The following SFT2D1 variants were observed in gnomAD, a reference collection of about 807,000 sequenced individuals.
SFT2D1 encodes SFT2 domain containing 1, also known as vesicle transport protein SFT2A.
Under a neutral mutation model 28.1 loss-of-function variants are expected in SFT2D1, and 24 were observed. The ratio of observed to expected loss-of-function variants is 0.85; its 90% CI spans 0.62 to 1.20. SFT2D1 has a LOEUF of 1.20. SFT2D1 is among the 50% of genes most tolerant of loss of function. The probability of loss-of-function intolerance (pLI) is 0.00; values close to 1 mark genes in which losing one functional copy is unlikely to be tolerated. For missense variants in SFT2D1, 181 were observed against 190.9 expected, an observed-to-expected ratio of 0.95 and a Z score of 0.31; for synonymous variants, 82 against 73.7, an observed-to-expected ratio of 1.11 and a Z score of -0.58.
At chr6:166,332,484 G>A (rs1487928414) in intron 1 of SFT2D1, among the ~76,000 whole-genome samples, 4 of 152,110 alleles carry the variant, frequency 2.6e-5, no homozygotes, top group African/African-American at 9.7e-5. Context: ...TCAAACTCCT[G>A]ACCTCAAGTG....
At chr6:166,337,898 TG>T (rs1472006464) in intron 1 of SFT2D1, among the ~76,000 whole-genome samples, 3 of 152,162 alleles carry the variant, frequency 2.0e-5, no homozygotes, top group Non-Finnish European at 2.9e-5. Flanking sequence ...GATCAGGTCA[TG>T]GGGATGGAGT....
At chr6:166,331,062 G>A (rs1464771996) in intron 1 of SFT2D1, among the ~76,000 whole-genome samples, 1 of 152,032 alleles carries the variant, frequency 6.6e-6, no homozygotes, top group Non-Finnish European at 1.5e-5. Flanking sequence ...AATTATGTGG[G>A]GAAAAAAGTA....
chr6:166,321,034 T>G (rs1333349403), intron 7 of SFT2D1, among the ~76,000 whole-genome samples: 2 of 152,100 alleles, frequency 1.3e-5, no homozygotes, highest in East Asian at 3.9e-4. Context: ...ACTCTTGAAC[T>G]TGGGAGGTGG....
chr6:166,320,673 ACTAAT>A (rs1167937746), intron 7 of SFT2D1, among the ~76,000 whole-genome samples: 15 of 128,146 alleles, frequency 1.2e-4, no homozygotes, highest in African/African-American at 4.2e-4. Context: ...ACACCACTAC[ACTAAT>A]TTTTTTTTTT....
intron 1 of SFT2D1, among the ~76,000 whole-genome samples, chr6:166,333,261 T>A (rs926713664): frequency 6.6e-6 from 1 of 152,188 alleles, no homozygotes; most frequent in Non-Finnish European, 1.5e-5. Context: ...TCAGGACTCT[T>A]GATCGCGGGG....
chr6:166,329,935 A>T (rs1385642545), intron 2 of SFT2D1, among the ~76,000 whole-genome samples: 6 of 152,204 alleles, frequency 3.9e-5, no homozygotes, highest in Non-Finnish European at 8.8e-5. Context: ...CTTTTAACAC[A>T]TTGATACATT....
intron 1 of SFT2D1, among the ~76,000 whole-genome samples, chr6:166,333,824 C>T (rs530696637): frequency 4.6e-5 from 7 of 152,212 alleles, no homozygotes; most frequent in Non-Finnish European, 8.8e-5. Context: ...CACTTCCATT[C>T]TTAGCAGACA....
At chr6:166,331,226 A>G (rs986644436) in intron 1 of SFT2D1, among the ~76,000 whole-genome samples, 1 of 152,246 alleles carries the variant, frequency 6.6e-6, no homozygotes, top group African/African-American at 2.4e-5. Context: ...GAAACTAGAA[A>G]TATACAGCAA....
chr6:166,328,254 TA>T (rs1778487500), intron 4 of SFT2D1, 21 bp downstream of exon 4: 2 of 1,514,854 alleles, frequency 1.3e-6, no homozygotes, highest in African/African-American at 2.8e-5. Context: ...ATAAAAGTTT[TA>T]AAAATGTATT....
intron 7 of SFT2D1, among the ~76,000 whole-genome samples, chr6:166,320,821 G>A (rs1289567972): frequency 6.6e-6 from 1 of 152,062 alleles, no homozygotes; most frequent in Non-Finnish European, 1.5e-5. Context: ...CCAGCCCAAA[G>A]ATTTAATTTT....
intron 7 of SFT2D1, 30 bp from the exon 8 acceptor site, chr6:166,320,286 A>G (rs762645673): frequency 3.8e-6 from 6 of 1,592,602 alleles, no homozygotes; most frequent in Non-Finnish European, 5.1e-6. Flanking sequence ...AAAAAACAGA[A>G]TATAATATTC....
At chr6:166,333,442 T>C (rs1237152527) in intron 1 of SFT2D1, among the ~76,000 whole-genome samples, 1 of 152,204 alleles carries the variant, frequency 6.6e-6, no homozygotes, top group Non-Finnish European at 1.5e-5. Context: ...AAATTCCGGC[T>C]GCCGCTCTCC....
intron 1 of SFT2D1, among the ~76,000 whole-genome samples, chr6:166,341,406 G>A (rs376587317): frequency 4.1e-5 from 6 of 147,644 alleles, no homozygotes; most frequent in African/African-American, 1.5e-4. Flanking sequence ...TCGAGATCAC[G>A]CCACTGCACT....
intron 1 of SFT2D1, chr6:166,331,491 T>C (rs1032040186): frequency 3.9e-5 from 6 of 152,686 alleles, no homozygotes; most frequent in Non-Finnish European, 8.8e-5. Context: ...TTTAAATGTT[T>C]TTTAAGTTTT....
chr6:166,325,948 C>G (rs973920210), intron 5 of SFT2D1, 184 bp downstream of exon 5: 3 of 643,872 alleles, frequency 4.7e-6, no homozygotes, highest in African/African-American at 1.8e-5. Flanking sequence ...ATGCTGTAGA[C>G]AGTAGAATCT....
intron 4 of SFT2D1, among the ~76,000 whole-genome samples, 184 bp from the exon 5 acceptor site, chr6:166,326,351 A>G (rs1778445243): frequency 6.6e-6 from 1 of 152,222 alleles, no homozygotes; most frequent in African/African-American, 2.4e-5. Context: ...TATGACTGCA[A>G]TATTCCTTGG....
intron 1 of SFT2D1, among the ~76,000 whole-genome samples, chr6:166,337,845 C>T (rs1279987123): frequency 6.6e-6 from 1 of 152,170 alleles, no homozygotes; most frequent in Non-Finnish European, 1.5e-5. Flanking sequence ...CTGAAATCCT[C>T]GACCCCATGG....
intron 5 of SFT2D1, 67 bp downstream of exon 5, chr6:166,326,065 G>C: frequency 7.2e-7 from 1 of 1,390,256 alleles, no homozygotes; most frequent in Admixed American, 1.8e-5. Context: ...ATAATGGTGT[G>C]ATGACACGTC....
intron 7 of SFT2D1, 121 bp downstream of exon 7, chr6:166,322,736 T>C: frequency 1.5e-6 from 1 of 648,126 alleles, no homozygotes; most frequent in Non-Finnish European, 2.4e-6. Flanking sequence ...TTTTAGGAAA[T>C]TAAAATCAAC....
Sources: gnomAD v4.1 joint callset for allele counts (sites outside exome capture counted in the v4.1 genomes callset) on GRCh38, gnomAD v4.1.1 for gene constraint, MANE v1.5 for transcripts, NCBI Gene and HGNC (gene_info 2026-07-23, HGNC 2026-07-21) for gene names.